AP3B2: variants seen among roughly 807,000 people sequenced by gnomAD.
AP3B2 encodes the protein adaptor related protein complex 3 subunit beta 2.
Under a neutral mutation model 126.9 loss-of-function variants are expected in AP3B2, and 50 were observed. The ratio of observed to expected loss-of-function variants is 0.39; its 90% CI spans 0.31 to 0.50. The LOEUF is 0.50. AP3B2 is among the 20% of genes least tolerant of loss of function. AP3B2 has a pLI of 0.79. For synonymous variants in AP3B2, 541 were observed against 565.0 expected (o/e 0.96, Z 0.60); for missense variants, 1,177 against 1,426.4 (o/e 0.83, Z 2.82).
intron 13 of AP3B2, among the ~76,000 whole-genome samples, chr15:82,677,051 A>G (rs576725301): frequency 2.6e-5 from 4 of 152,326 alleles, no homozygotes; most frequent in African/African-American, 9.6e-5. Context: ...GAGAGAAAAC[A>G]AGAGTAGTAG....
intron 25 of AP3B2, among the ~76,000 whole-genome samples, chr15:82,660,848 C>G: frequency 6.6e-6 from 1 of 152,204 alleles, no homozygotes; most frequent in East Asian, 1.9e-4. Flanking sequence ...CGTGCCAATG[C>G]CCTGTCTCCC....
intron 14 of AP3B2, among the ~76,000 whole-genome samples, chr15:82,675,835 T>C (rs1200382657): frequency 6.6e-6 from 1 of 152,212 alleles, no homozygotes; most frequent in Admixed American, 6.5e-5. Context: ...TTGATGTCCC[T>C]GACACCTTGA....
chr15:82,669,590 G>A (rs2048114342), intron 14 of AP3B2, among the ~76,000 whole-genome samples: 1 of 152,024 alleles, frequency 6.6e-6, no homozygotes, highest in Admixed American at 6.5e-5. Flanking sequence ...TACTCAGGAG[G>A]CTGAGGCAGG....
chr15:82,676,804 G>C (rs942203018), intron 13 of AP3B2, among the ~76,000 whole-genome samples, 167 bp from the exon 14 acceptor site: 4 of 152,162 alleles, frequency 2.6e-5, no homozygotes, highest in African/African-American at 9.7e-5. Context: ...TTAAAAGGTA[G>C]ACATTTCCTA....
intron 14 of AP3B2, among the ~76,000 whole-genome samples, chr15:82,673,350 G>A (rs1348301613): frequency 6.6e-6 from 1 of 152,134 alleles, no homozygotes. Context: ...AAGTAGCTGA[G>A]ATTTCAGCGC....
rs1220661178 is a variant in AP3B2, at chr15:82,680,514, C to T, written c.1013G>A (p.Gly338Asp). Reference sequence around the variant, plus strand: ...GCGCACCAGCGCCTTGGCGATGACGCCCACTTCCGCCTTGGGCGCCAGGTG... The same window carrying T: ...GCGCACCAGCGCCTTGGCGATGACGTCCACTTCCGCCTTGGGCGCCAGGTG... ...YFHLAPKAEV[G>D]VIAKALVRLL... Residue 338 changes from glycine (G) to aspartate (D), a missense_variant, in exon 8 of 27, where the codon GGC becomes GAC. Physicochemically the swap from Gly to Asp is moderately conservative, Grantham distance 94. This residue lies in a region of AP3B2 where 308 missense variants were observed against 452.4 expected (regional missense o/e 0.68). Coordinates refer to ENST00000535359, the MANE Select transcript of AP3B2 (RefSeq NM_001278512.2). The surrounding 1 kb of genome is among the most constrained non-coding windows in gnomAD (Gnocchi z 6.1). The T allele has an allele frequency of 1.3e-6, 2 of 1,534,410 alleles. No homozygotes were observed. Among genetic ancestry groups the T allele is most frequent in the Non-Finnish European group, 8.7e-7 (1 of 1,145,892 alleles).
chr15:82,692,135 A>G, intron 1 of AP3B2: 1 of 1,494,758 alleles, frequency 6.7e-7, no homozygotes, highest in South Asian at 1.2e-5. Context: ...AGAACTCCAC[A>G]CGAAGCCGAC....
chr15:82,693,633 AGAAG>A (rs10612441), intron 1 of AP3B2, among the ~76,000 whole-genome samples: 23,689 of 152,144 alleles, frequency 0.16, 1,952 homozygotes, highest in Non-Finnish European at 0.2. Context: ...TAAATACAAA[AGAAG>A]GAAGGGAAGA....
Position 82,669,159 on chromosome 15 carries a change from G to A in AP3B2, c.1666-2226C>T, listed in dbSNP as rs2048107689. On this transcript the variant is annotated intron_variant, in intron 14 of 26. Transcript: ENST00000535359. ...CTAACCAACAGGATATGGCAAAGGTGGTATATGACTATATATGATCCTATG... is the reference window on the plus strand; with the variant it reads ...CTAACCAACAGGATATGGCAAAGGTAGTATATGACTATATATGATCCTATG... Among the ~76,000 whole-genome samples, 4 of 151,946 alleles carry A rather than the reference G, an allele frequency of 2.6e-5. No individual in the cohort carries two copies. In the South Asian group the frequency reaches 8.3e-4, roughly 32 times the overall value.
At chr15:82,704,278 C>T (rs2048763119) in intron 1 of AP3B2, among the ~76,000 whole-genome samples, 1 of 152,196 alleles carries the variant, frequency 6.6e-6, no homozygotes, top group Admixed American at 6.5e-5. Flanking sequence ...CCACTCCCAA[C>T]ATTAAATAAA....
At chr15:82,668,077 A>G (rs1416649695) in intron 14 of AP3B2, among the ~76,000 whole-genome samples, 1 of 152,200 alleles carries the variant, frequency 6.6e-6, no homozygotes, top group African/African-American at 2.4e-5. Context: ...AACCCAGCTA[A>G]TCTGGCAGGG....
chr15:82,681,532 TG>T lies in AP3B2; in HGVS notation c.408del (p.Ser136ArgfsTer7). ...ATGGGCACTATGATGGGCACACGGA[TG>T]CTAGAGAGGACACGGAGGGCACTGG... ...IRASALRVLS[S>X]IRVPIIVPIM... On this transcript the variant is annotated frameshift_variant, in exon 5 of 27. Transcript: ENST00000535359. LOFTEE classifies it high-confidence loss of function. This position sits in a 1 kb window ranked among gnomAD's most constrained non-coding sequence, Gnocchi z 4.0. The T allele has an allele frequency of 6.2e-7, 1 of 1,613,922 alleles. No individual in the cohort carries two copies. Among genetic ancestry groups the T allele is most frequent in the Non-Finnish European group, 8.5e-7 (1 of 1,179,868 alleles).
intron 1 of AP3B2, among the ~76,000 whole-genome samples, chr15:82,694,959 G>T (rs973060098): frequency 2.2e-4 from 33 of 152,152 alleles, no homozygotes; most frequent in Admixed American, 1.5e-3. Context: ...CTTCCACCCA[G>T]TTCCTCACGC....
intron 10 of AP3B2, 82 bp downstream of exon 10, chr15:82,679,647 A>AG (rs2048299176): frequency 2.5e-6 from 3 of 1,220,026 alleles, no homozygotes; most frequent in South Asian, 2.5e-5. Flanking sequence ...GGCAGGCACC[A>AG]GGGGGGCCAC....
At position 82,709,787 on chromosome 15, in the gene AP3B2, G is replaced by T. The variant is rs2048855000; in HGVS notation, c.-81C>A. On this transcript the variant is annotated 5_prime_UTR_variant, in exon 1 of 27. Transcript: ENST00000535359. ...GAGCGGAGGAAGGGAAGGCGGGCCG[G>T]TCCGGTCCGGGCTGGCGAAGGCGGC... 4 of 1,193,830 alleles carry T rather than the reference G, an allele frequency of 3.4e-6. No individual in the cohort carries two copies. Among genetic ancestry groups the T allele is most frequent in the Non-Finnish European group, 4.5e-6 (4 of 898,868 alleles). 74.0% of individuals were successfully genotyped at this position (1,193,830 alleles called of 1,614,324 possible). A position where few individuals can be genotyped will look rare whatever the true frequency, so the allele number is the denominator to read the frequency against.
At chr15:82,691,765 G>C (rs1381511996) in intron 1 of AP3B2, 3 of 1,571,410 alleles carry the variant, frequency 1.9e-6, no homozygotes, top group Non-Finnish European at 2.6e-6. Flanking sequence ...GGGAACCCCG[G>C]CTTTAGTATG....
chr15:82,694,487 C>A (rs1464931456), intron 1 of AP3B2, among the ~76,000 whole-genome samples: 17 of 151,754 alleles, frequency 1.1e-4, no homozygotes, highest in Non-Finnish European at 1.2e-4. Flanking sequence ...GGAGTTGGGA[C>A]CAGCCTGGAC....
intron 1 of AP3B2, chr15:82,692,085 C>G: frequency 2.7e-6 from 4 of 1,495,238 alleles, no homozygotes; most frequent in Non-Finnish European, 3.7e-6. Context: ...GCCCATTCCT[C>G]CCACCACGGG....
rs2048339309 is a variant in AP3B2, at chr15:82,681,563, A to G, written c.378T>C (p.Ile126=). The change falls in exon 5 of 27, where the codon ATT becomes ATC. Residue 126 remains isoleucine, a synonymous_variant. Transcript: ENST00000535359. This position sits in a 1 kb window ranked among gnomAD's most constrained non-coding sequence, Gnocchi z 4.0. The part of the protein sequence containing the change: ...QRGLKDPNQL[I]RASALRVLSS... ...AGAGGACACGGAGGGCACTGGCACG[A>G]ATCAGCTGGTTGGGATCCTAAAGGC... 3 of 1,613,680 alleles carry G rather than the reference A, an allele frequency of 1.9e-6. No homozygotes were observed. The highest frequency in any genetic ancestry group is 2.5e-6 in the Non-Finnish European group (3 of 1,179,836).
Sources: gnomAD v4.1 joint callset for allele counts (sites outside exome capture counted in the v4.1 genomes callset) on GRCh38, gnomAD v4.1.1 for gene constraint, gnomAD v4.1.1 regional missense constraint, Gnocchi (gnomAD v3.1) non-coding constraint, MANE v1.5 for transcripts, NCBI Gene and HGNC (gene_info 2026-07-23, HGNC 2026-07-21) for gene names.